DRC3: variants seen among roughly 807,000 people sequenced by gnomAD.
DRC3 encodes dynein regulatory complex subunit 3, also known as leucine rich repeat containing 48.
Under a neutral mutation model 57.6 loss-of-function variants are expected in DRC3, and 45 were observed. The ratio of observed to expected loss-of-function variants is 0.78; its 90% CI spans 0.62 to 1.00. The LOEUF (loss-of-function observed/expected upper bound fraction) is 1.00, where lower values mean the gene tolerates loss of function less well. DRC3 is among the 50% of genes least tolerant of loss of function. The pLI, the probability that DRC3 is intolerant of heterozygous loss-of-function variation, is 0.00. For missense variants in DRC3, 655 were observed against 675.2 expected (o/e 0.97, Z 0.33); for synonymous variants, 257 against 272.3 (o/e 0.94, Z 0.55).
In DRC3 at chr17:18,016,079, G is replaced by T. The variant is rs374340023; in HGVS notation, c.1342G>T (p.Asp448Tyr). The change falls in exon 13 of 14, where the codon GAT becomes TAT. Residue 448 changes from aspartate to tyrosine, a missense_variant. Physicochemically the swap from Asp to Tyr is radical, Grantham distance 160. Coordinates refer to ENST00000399187, the MANE Select transcript of DRC3 (RefSeq NM_031294.4). ...CACTCACCAGCTTTTTGTCGATAAA[G>T]ATACGATTGTTAATGCTGTCGGGGC... ...NDLRALFVDK[D>Y]TIVNAVGASH... The T allele has an allele frequency of 4.2e-5, 67 of 1,613,806 alleles. No homozygotes were observed. Among genetic ancestry groups the T allele is most frequent in the Non-Finnish European group, 5.3e-5 (63 of 1,179,846 alleles).
At chr17:18,004,654 AT>A in intron 10 of DRC3, 160 bp downstream of exon 10, 1 of 703,264 alleles carries the variant, frequency 1.4e-6, no homozygotes, top group Non-Finnish European at 2.3e-6. Flanking sequence ...GTTTGCTTTT[AT>A]TACATTTTAA....
intron 3 of DRC3, among the ~76,000 whole-genome samples, chr17:17,983,184 GC>G (rs1439026763): frequency 6.6e-6 from 1 of 152,180 alleles, no homozygotes; most frequent in Non-Finnish European, 1.5e-5. Context: ...TCAGGAACCT[GC>G]CTCGTTCTTG....
At chr17:17,991,057 A>G (rs2043203183) in intron 5 of DRC3, among the ~76,000 whole-genome samples, 1 of 152,168 alleles carries the variant, frequency 6.6e-6, no homozygotes, top group South Asian at 2.1e-4. Flanking sequence ...TGCTCTTGCC[A>G]TAAGGGCAGG....
chr17:17,986,605 G>C (rs1206282303), intron 4 of DRC3, among the ~76,000 whole-genome samples: 1 of 151,900 alleles, frequency 6.6e-6, no homozygotes, highest in Non-Finnish European at 1.5e-5. Context: ...TGGGATTACA[G>C]GCATGTGCCA....
At chr17:17,985,171 C>G (rs1036139046) in intron 4 of DRC3, among the ~76,000 whole-genome samples, 6 of 152,248 alleles carry the variant, frequency 3.9e-5, no homozygotes, top group African/African-American at 1.4e-4. Context: ...CTCCCTCTTT[C>G]TGTCTGCTTA....
At position 17,988,011 on chromosome 17, in the gene DRC3, C is replaced by T. The variant is rs372080457; in HGVS notation, c.357C>T (p.Asn119=). 84 of 1,613,892 alleles carry T rather than the reference C, an allele frequency of 5.2e-5. No homozygotes were observed. The highest frequency in any genetic ancestry group is 1.2e-4 in the Admixed American group (7 of 60,004). The change falls in exon 5 of 14, where the codon AAC becomes AAT. Residue 119 remains asparagine, a synonymous_variant. Coordinates refer to ENST00000399187, the MANE Select transcript of DRC3 (RefSeq NM_031294.4). ...VNLEDLSLFN[N]RISKIDSLDA... ...TGGAGGACCTGAGCTTGTTCAACAA[C>T]CGGATCTCCAAGATCGACTCCCTGG... is the stretch of plus-strand genomic sequence containing the variant.
At chr17:17,994,242 AGGCGGTGT>A in intron 6 of DRC3, 49 bp from the exon 7 acceptor site, 1 of 1,543,164 alleles carries the variant, frequency 6.5e-7, no homozygotes, top group Non-Finnish European at 8.8e-7. Flanking sequence ...GGCATGGCAG[AGGCGGTGT>A]GGCTCGGAGG....
rs901627317 is a variant in DRC3 at position 17,994,153 on chromosome 17, T to C, written c.592-146T>C. 13 of 1,076,252 alleles carry C rather than the reference T, an allele frequency of 1.2e-5. No homozygotes were observed. In the East Asian group the frequency reaches 3.6e-4, roughly 30 times the overall value. The allele number at this position is 1,076,252 out of a possible 1,614,324, so 66.7% of individuals were successfully genotyped here. On this transcript the variant is annotated intron_variant, in intron 6 of 13. Coordinates refer to ENST00000399187, the MANE Select transcript of DRC3 (RefSeq NM_031294.4). ...GATGGGCATTCTCATCCACGAGACC[T>C]CATGGCTTTCACAGCCTTCATGCAG...
chr17:18,015,874 G>A, intron 12 of DRC3, 190 bp from the exon 13 acceptor site: 1 of 616,766 alleles, frequency 1.6e-6, no homozygotes, highest in Non-Finnish European at 2.8e-6. Flanking sequence ...GCCCTGTGCA[G>A]TTGGGGAAGC....
intron 12 of DRC3, chr17:18,015,584 TGGCA>T: frequency 1.3e-5 from 2 of 154,278 alleles, no homozygotes; most frequent in Admixed American, 6.4e-5. Context: ...TTGACATGAG[TGGCA>T]GTGGAGAGAC....
intron 10 of DRC3, chr17:18,005,407 C>T (rs1014482555): frequency 6.6e-6 from 1 of 152,346 alleles, no homozygotes; most frequent in African/African-American, 2.4e-5. Context: ...ATAGATTCCA[C>T]CCCTGCCCAC....
chr17:18,007,496 T>G (rs1165682537), intron 12 of DRC3: 83 of 1,550,164 alleles, frequency 5.4e-5, no homozygotes, highest in Non-Finnish European at 7.0e-5. Context: ...CCTGGAGGTC[T>G]TCTTAACCTT....
chr17:18,011,472 C>T, intron 12 of DRC3: 1 of 204,466 alleles, frequency 4.9e-6, no homozygotes, highest in Non-Finnish European at 1.0e-5. Flanking sequence ...ACCAAGATTG[C>T]AAGCCCCACA....
intron 9 of DRC3, among the ~76,000 whole-genome samples, chr17:17,997,984 T>C (rs2043534319): frequency 6.6e-6 from 1 of 152,258 alleles, no homozygotes; most frequent in Non-Finnish European, 1.5e-5. Flanking sequence ...ACAGTAATGA[T>C]TACCATCCTT....
intron 3 of DRC3, among the ~76,000 whole-genome samples, chr17:17,978,706 T>A (rs3935505): frequency 1.3e-5 from 2 of 152,072 alleles, no homozygotes; most frequent in East Asian, 1.9e-4. Context: ...GACCACCCAA[T>A]CAGGGAGGGC....
At chr17:18,007,338 C>T in intron 12 of DRC3, 191 bp downstream of exon 12, 1 of 1,499,110 alleles carries the variant, frequency 6.7e-7, no homozygotes, top group Admixed American at 2.0e-5. Flanking sequence ...GGTGGGGCAC[C>T]CAGTGGGGCC....
chr17:17,976,407 C>T (rs998368517), intron 2 of DRC3, among the ~76,000 whole-genome samples: 4 of 152,174 alleles, frequency 2.6e-5, no homozygotes, highest in Non-Finnish European at 4.4e-5. Context: ...AGGCTGGGCA[C>T]GGTGGCTCAT....
intron 3 of DRC3, among the ~76,000 whole-genome samples, chr17:17,979,164 T>A (rs2042534037): frequency 6.6e-6 from 1 of 151,908 alleles, no homozygotes; most frequent in Non-Finnish European, 1.5e-5. Flanking sequence ...CCAGGGAAAG[T>A]GGAGCAGCCA....
At chr17:18,010,492 A>G (rs2044130589) in intron 12 of DRC3, among the ~76,000 whole-genome samples, 1 of 152,186 alleles carries the variant, frequency 6.6e-6, no homozygotes, top group Non-Finnish European at 1.5e-5. Flanking sequence ...AGAATCACAA[A>G]AGACCTTGAA....
Sources: allele counts gnomAD v4.1 joint callset (sites outside exome capture counted in the v4.1 genomes callset), GRCh38; gene constraint gnomAD v4.1.1; transcripts MANE v1.5; gene names NCBI Gene and HGNC (gene_info 2026-07-23, HGNC 2026-07-21).